The following SPEF2 variants were observed in gnomAD, a reference collection of about 807,000 sequenced individuals.
The protein encoded by SPEF2 is sperm flagella and cilia-associated protein 2.
In SPEF2, 187 loss-of-function variants were observed where a neutral mutation model predicts 224.6. The observed-to-expected ratio is 0.83, with a 90% confidence interval of 0.74 to 0.94. The LOEUF (loss-of-function observed/expected upper bound fraction) is 0.94. Ranked by LOEUF, SPEF2 falls within the 40% of genes least tolerant of loss-of-function variation. The pLI, the probability that SPEF2 is intolerant of heterozygous loss-of-function variation, is 0.00. For missense variants in SPEF2, 2,170 were observed against 2,135.6 expected, an observed-to-expected ratio of 1.02 and a Z score of -0.32; for synonymous variants, 715 against 707.3, an observed-to-expected ratio of 1.01 and a Z score of -0.17.
intron 2 of SPEF2, among the ~76,000 whole-genome samples, chr5:35,636,702 T>A (rs536665040): frequency 6.6e-6 from 1 of 151,958 alleles, no homozygotes; most frequent in African/African-American, 2.4e-5. Flanking sequence ...GGGCCGGGTG[T>A]GGTGGCTAAT....
chr5:35,735,331 C>T (rs1339663496), intron 21 of SPEF2, among the ~76,000 whole-genome samples: 2 of 152,218 alleles, frequency 1.3e-5, no homozygotes, highest in Admixed American at 6.5e-5. Context: ...TCTCTCCTCA[C>T]TAATGTTACC....
intron 26 of SPEF2, among the ~76,000 whole-genome samples, chr5:35,768,451 G>A (rs11958548): frequency 0.036 from 5,520 of 152,178 alleles, 292 homozygotes; most frequent in South Asian, 0.12. Flanking sequence ...ATATAGCTAT[G>A]CCTCTTGATT....
chr5:35,735,339 A>G (rs1304068641), intron 21 of SPEF2, among the ~76,000 whole-genome samples: 3 of 152,234 alleles, frequency 2.0e-5, no homozygotes, highest in Non-Finnish European at 2.9e-5. Flanking sequence ...CACTAATGTT[A>G]CCAGTCTTCA....
At chr5:35,637,632 T>G (rs1360849945) in intron 2 of SPEF2, among the ~76,000 whole-genome samples, 1 of 152,216 alleles carries the variant, frequency 6.6e-6, no homozygotes, top group Non-Finnish European at 1.5e-5. Context: ...CCTTTTTTGC[T>G]AATCCCATCT....
At chr5:35,643,447 G>C (rs1327126837) in intron 3 of SPEF2, 2 of 455,558 alleles carry the variant, frequency 4.4e-6, no homozygotes, top group East Asian at 1.4e-4. Flanking sequence ...GTAAAGAAGA[G>C]AACAGTAGGA....
intron 8 of SPEF2, among the ~76,000 whole-genome samples, chr5:35,665,490 G>A (rs763033853): frequency 7.9e-5 from 12 of 152,120 alleles, no homozygotes; most frequent in Non-Finnish European, 1.6e-4. Context: ...AGGGAGATGC[G>A]GAGACAGGCA....
At chr5:35,739,360 G>T (rs1029557880) in intron 21 of SPEF2, among the ~76,000 whole-genome samples, 14 of 152,106 alleles carry the variant, frequency 9.2e-5, no homozygotes, top group Non-Finnish European at 1.5e-4. Context: ...CAGACTTGTT[G>T]TATCTGGGTA....
chr5:35,811,290 G>A (rs1480508142), intron 36 of SPEF2, among the ~76,000 whole-genome samples: 1 of 152,112 alleles, frequency 6.6e-6, no homozygotes, highest in Non-Finnish European at 1.5e-5. Flanking sequence ...GATAAGAAGA[G>A]CAAAAGCTAG....
At chr5:35,808,784 G>T (rs1217743972) in intron 36 of SPEF2, among the ~76,000 whole-genome samples, 1 of 142,424 alleles carries the variant, frequency 7.0e-6, no homozygotes, top group Non-Finnish European at 1.5e-5. Flanking sequence ...ACATATATAT[G>T]TATATATGTA....
At chr5:35,735,587 C>G (rs1254361436) in intron 21 of SPEF2, among the ~76,000 whole-genome samples, 1 of 152,192 alleles carries the variant, frequency 6.6e-6, no homozygotes, top group Non-Finnish European at 1.5e-5. Context: ...TTTGGCATTT[C>G]TTGATTGGAG....
chr5:35,650,400 G>A (rs989160038), intron 6 of SPEF2, among the ~76,000 whole-genome samples: 2 of 152,060 alleles, frequency 1.3e-5, no homozygotes, highest in Non-Finnish European at 2.9e-5. Flanking sequence ...CCTCATCCAT[G>A]CAGCCACCAC....
intron 14 of SPEF2, among the ~76,000 whole-genome samples, chr5:35,696,614 T>C (rs1755360285): frequency 6.6e-6 from 1 of 152,220 alleles, no homozygotes; most frequent in African/African-American, 2.4e-5. Context: ...AACTTGGATA[T>C]ATCAGTGAAT....
At chr5:35,813,662 G>T (rs776080446) in intron 36 of SPEF2, among the ~76,000 whole-genome samples, 4 of 152,014 alleles carry the variant, frequency 2.6e-5, no homozygotes, top group Admixed American at 6.6e-5. Flanking sequence ...ATGATTCCTC[G>T]CAGTGACTGA....
rs1436622177 is a variant in SPEF2, at chr5:35,800,054, A to G, written c.4917A>G (p.Pro1639=). Residue 1639 remains proline (P), a synonymous_variant, in exon 34 of 37, where the codon CCA becomes CCG. Transcript: ENST00000356031. ...TQMLLYFACH[P]DTVEGVYRAL... is the part of the protein sequence containing the mutation. ...TGCTGCTTTACTTTGCTTGCCACCC[A>G]GACACCGTGGAAGGAGTCTACAGGG... 1.2e-6 allele frequency: 2 copies of G among 1,614,132 alleles called. No homozygotes were observed. The highest frequency in any genetic ancestry group is 3.3e-5 in the Admixed American group (2 of 60,026).
chr5:35,764,239 C>A (rs1266366241), intron 26 of SPEF2, among the ~76,000 whole-genome samples: 1 of 152,020 alleles, frequency 6.6e-6, no homozygotes, highest in Non-Finnish European at 1.5e-5. Context: ...TATTTGGCAA[C>A]CCCTCTGCTA....
chr5:35,810,504 A>G (rs1362755855), intron 36 of SPEF2, among the ~76,000 whole-genome samples: 1 of 152,190 alleles, frequency 6.6e-6, no homozygotes, highest in Non-Finnish European at 1.5e-5. Context: ...TAAGTTATAC[A>G]TTCCCCTCAT....
intron 26 of SPEF2, among the ~76,000 whole-genome samples, chr5:35,769,691 A>G (rs1175425521): frequency 8.5e-5 from 13 of 152,286 alleles, no homozygotes; most frequent in Non-Finnish European, 1.5e-5. Flanking sequence ...TTTATCACTC[A>G]TAGAACACTT....
At chr5:35,644,277 C>A in intron 3 of SPEF2, 78 bp from the exon 4 acceptor site, 1 of 1,248,620 alleles carries the variant, frequency 8.0e-7, no homozygotes, top group Non-Finnish European at 1.1e-6. Context: ...ATTTTGAAGA[C>A]AAATTTTATT....
chr5:35,789,169 C>G (rs766976647), intron 30 of SPEF2: 8 of 702,938 alleles, frequency 1.1e-5, no homozygotes, highest in Non-Finnish European at 1.3e-5. Flanking sequence ...CAGGCAGAGG[C>G]AAAAGTGACA....
Sources: allele counts gnomAD v4.1 joint callset (sites outside exome capture counted in the v4.1 genomes callset), GRCh38; gene constraint gnomAD v4.1.1; transcripts MANE v1.5; gene names NCBI Gene and HGNC (gene_info 2026-07-23, HGNC 2026-07-21).